SMARCC1: variants seen among roughly 807,000 people sequenced by gnomAD.
SMARCC1 encodes SWI/SNF complex subunit SMARCC1.
A neutral mutation model predicts 147.4 loss-of-function variants in SMARCC1; 43 were observed. The observed-to-expected ratio is 0.29, with a 90% CI of 0.23 to 0.38. The LOEUF is 0.38. SMARCC1 is among the 10% of genes least tolerant of loss of function. The probability of loss-of-function intolerance (pLI) is 1.00; values close to 1 mark genes in which losing one functional copy is unlikely to be tolerated. For synonymous variants in SMARCC1, 495 were observed against 484.4 expected (o/e 1.02, Z -0.29); for missense variants, 1,119 against 1,381.1 (o/e 0.81, Z 3.01).
In SMARCC1 at chr3:47,604,417, C is replaced by T. The variant is rs553584864; in HGVS notation, c.3043+5649G>A. 2.2e-4 allele frequency: 86 copies of T among 396,744 alleles called. 2 individuals carry two copies. The highest frequency in any genetic ancestry group is 1.5e-3 in the South Asian group (81 of 52,368). 24.6% of individuals were successfully genotyped at this position (396,744 alleles called of 1,614,324 possible). ...CCAAATACCAAAGACAGCCAACTGA[C>T]CCAGATAATCTTCAGCTCCCAATGT... On this transcript the variant is annotated intron_variant, in intron 26 of 27. Transcript: ENST00000254480.
At position 47,675,672 on chromosome 3, in the gene SMARCC1, G is replaced by C. The variant is rs2033560891; in HGVS notation, c.1726-84C>G. On this transcript the variant is annotated intron_variant, in intron 17 of 27. Transcript: ENST00000254480. ...GTTTTTAAAAATTTGTTTGGGCCAG[G>C]CGCCGTGGCTCACACCTATAATCCC... is the stretch of plus-strand genomic sequence containing the variant. 4 of 714,514 alleles carry C rather than the reference G, an allele frequency of 5.6e-6. No homozygotes were observed. The South Asian group carries it at 6.3e-5, about 11-fold the overall frequency. The allele number at this position is 714,514 out of a possible 1,614,324, so 44.3% of individuals were successfully genotyped here.
chr3:47,658,683 C>T (rs546354272), intron 21 of SMARCC1, among the ~76,000 whole-genome samples: 76 of 152,282 alleles, frequency 5.0e-4, no homozygotes, highest in African/African-American at 1.8e-3. Flanking sequence ...GATGGACATT[C>T]CAGTTGTTTC....
intron 25 of SMARCC1, among the ~76,000 whole-genome samples, chr3:47,615,801 A>G (rs546168648): frequency 1.6e-4 from 25 of 152,214 alleles, no homozygotes; most frequent in African/African-American, 5.8e-4. Flanking sequence ...CTCCTGCTTC[A>G]GCCTCCTGAA....
chr3:47,705,167 CA>C (rs1324195868), intron 10 of SMARCC1, among the ~76,000 whole-genome samples: 1 of 150,440 alleles, frequency 6.6e-6, no homozygotes, highest in East Asian at 2.0e-4. Context: ...ACTAAAAATA[CA>C]AAAAAAATTA....
chr3:47,626,428 G>C (rs752979107), intron 24 of SMARCC1, among the ~76,000 whole-genome samples: 26 of 143,732 alleles, frequency 1.8e-4, no homozygotes, highest in Non-Finnish European at 3.2e-4. Flanking sequence ...TTACAGGTGT[G>C]AGCCACCGTG....
In SMARCC1 at chr3:47,618,689, A is replaced by G. The variant is rs146851366; in HGVS notation, c.2781+3518T>C. ...CACTGCCCCTTGGTGTCTGGGGGCC[A>G]GTAGACAGAAGTGGAAAGGGGATGC... On this transcript the variant is annotated intron_variant, in intron 25 of 27. Transcript: ENST00000254480. 1.3e-3 allele frequency among the ~76,000 whole-genome samples: 203 copies of G among 152,324 alleles called. 1 individual carries two copies. The highest frequency in any genetic ancestry group is 4.7e-3 in the African/African-American group (196 of 41,592).
intron 22 of SMARCC1, among the ~76,000 whole-genome samples, chr3:47,636,977 C>T (rs2032979490): frequency 6.6e-6 from 1 of 152,104 alleles, no homozygotes; most frequent in African/African-American, 2.4e-5. Context: ...CAGGAAGAAC[C>T]ATGAGAGAAC....
intron 8 of SMARCC1, among the ~76,000 whole-genome samples, chr3:47,711,940 T>G (rs542731492): frequency 6.6e-6 from 1 of 152,084 alleles, no homozygotes; most frequent in Non-Finnish European, 1.5e-5. Flanking sequence ...GCAGAATAAA[T>G]AGAGTGTATA....
chr3:47,663,212 G>GAGGAAGGAAGGAAGGAAGGA (rs762254925), intron 19 of SMARCC1, among the ~76,000 whole-genome samples: 1 of 24,990 alleles, frequency 4.0e-5, no homozygotes, highest in Non-Finnish European at 7.2e-5. Context: ...GAGGGGAGGG[G>GAGGAAGGAAGGAAGGAAGGA]AGGAAGGAAG....
intron 2 of SMARCC1, among the ~76,000 whole-genome samples, chr3:47,755,824 T>C (rs1423022971): frequency 1.3e-5 from 2 of 151,172 alleles, no homozygotes; most frequent in Non-Finnish European, 2.9e-5. Context: ...AACACGTCTC[T>C]ACTAAAAATA....
At chr3:47,656,772 G>C (rs1438037002) in intron 21 of SMARCC1, among the ~76,000 whole-genome samples, 1 of 151,946 alleles carries the variant, frequency 6.6e-6, no homozygotes, top group Admixed American at 6.6e-5. Context: ...AAATTAGCAG[G>C]GCATGGTGGT....
intron 24 of SMARCC1, among the ~76,000 whole-genome samples, chr3:47,630,087 C>T (rs1345979047): frequency 2.7e-5 from 4 of 148,348 alleles, no homozygotes; most frequent in Admixed American, 7.0e-5. Flanking sequence ...AGATATACGG[C>T]AGCAGTCCCC....
At chr3:47,686,850 T>A (rs1046030467) in intron 13 of SMARCC1, among the ~76,000 whole-genome samples, 1 of 152,130 alleles carries the variant, frequency 6.6e-6, no homozygotes, top group African/African-American at 2.4e-5. Flanking sequence ...CTGGACATAG[T>A]GGTACATGCC....
At chr3:47,638,985 T>C (rs1559631953) in intron 21 of SMARCC1, among the ~76,000 whole-genome samples, 1 of 152,102 alleles carries the variant, frequency 6.6e-6, no homozygotes, top group African/African-American at 2.4e-5. Context: ...TAATCTATGG[T>C]GTCAGCACTC....
intron 16 of SMARCC1, 88 bp downstream of exon 16, chr3:47,678,110 A>G: frequency 1.6e-6 from 1 of 634,894 alleles, no homozygotes; most frequent in Non-Finnish European, 2.6e-6. Flanking sequence ...ACCCAGTTGA[A>G]ACAACCAGTT....
At chr3:47,595,418 T>A (rs1231934566) in intron 26 of SMARCC1, among the ~76,000 whole-genome samples, 1 of 151,678 alleles carries the variant, frequency 6.6e-6, no homozygotes, top group African/African-American at 2.4e-5. Flanking sequence ...TCCCAGCTAC[T>A]CGGGAGGCTG....
chr3:47,631,515 C>T (rs2032890485), intron 24 of SMARCC1, among the ~76,000 whole-genome samples: 1 of 152,174 alleles, frequency 6.6e-6, no homozygotes, highest in Non-Finnish European at 1.5e-5. Flanking sequence ...TAGAAAGGAT[C>T]CAGAGCACCC....
Position 47,764,980 on chromosome 3 carries a change from G to A in SMARCC1, c.315+7837C>T, listed in dbSNP as rs540875468. Among the ~76,000 whole-genome samples the A allele has an allele frequency of 7.9e-5, 12 of 152,250 alleles. No homozygotes were observed. In the South Asian group the frequency reaches 2.1e-3, roughly 26 times the overall value. Reference sequence around the variant, plus strand: ...AAAGAAAAGCAAGGAGGCCAGGCGCGGTGGCTCACGCCTGTAATCCCAGCA... The same window carrying A: ...AAAGAAAAGCAAGGAGGCCAGGCGCAGTGGCTCACGCCTGTAATCCCAGCA... On this transcript the variant is annotated intron_variant, in intron 2 of 27. Transcript: ENST00000254480.
chr3:47,706,346 A>G lies in SMARCC1; in HGVS notation c.1040+63T>C, dbSNP rs149488113. ...CTCAGCCTCCAAAAGTGCTGGGATT[A>G]TAAGTGTAAGCCACCACGTCCGGCC... On this transcript the variant is annotated intron_variant, in intron 10 of 27. Transcript: ENST00000254480. 1,709 of 1,410,564 alleles carry G rather than the reference A, an allele frequency of 1.2e-3. 24 individuals are homozygous for G. In the African/African-American group the frequency reaches 0.021, roughly 17 times the overall value. The allele number at this position is 1,410,564 out of a possible 1,614,324, so 87.4% of individuals were successfully genotyped here.
Sources: gnomAD v4.1 joint callset for allele counts (sites outside exome capture counted in the v4.1 genomes callset) on GRCh38, gnomAD v4.1.1 for gene constraint, MANE v1.5 for transcripts, NCBI Gene and HGNC (gene_info 2026-07-23, HGNC 2026-07-21) for gene names.